The following ABCB5 variants were observed in gnomAD, a reference collection of about 807,000 sequenced individuals.
The protein encoded by ABCB5 is ATP binding cassette subfamily B member 5.
A neutral mutation model predicts 144.2 loss-of-function variants in ABCB5; 155 were observed. The observed-to-expected ratio is 1.08, with a 90% CI of 0.94 to 1.23. The LOEUF (loss-of-function observed/expected upper bound fraction) is 1.23. Among genes scored for constraint, ABCB5 ranks in the 50% most tolerant of loss-of-function variants. The pLI, the probability that ABCB5 is intolerant of heterozygous loss-of-function variation, is 0.00. For synonymous variants in ABCB5, 610 were observed against 528.6 expected (o/e 1.15, Z -2.11); for missense variants, 1,830 against 1,520.8 (o/e 1.20, Z -3.38).
intron 20 of ABCB5, among the ~76,000 whole-genome samples, chr7:20,718,915 T>A (rs921991183): frequency 6.6e-6 from 1 of 152,096 alleles, no homozygotes; most frequent in Non-Finnish European, 1.5e-5. Context: ...TAAGTAGGTG[T>A]AAATGAGAAC....
intron 21 of ABCB5, 48 bp from the exon 22 acceptor site, chr7:20,726,992 T>A: frequency 1.5e-6 from 2 of 1,367,210 alleles, no homozygotes; most frequent in Non-Finnish European, 2.0e-6. Context: ...GGGAAAAGAT[T>A]AACCATTACT....
intron 14 of ABCB5, among the ~76,000 whole-genome samples, chr7:20,661,129 T>C (rs1784989020): frequency 6.6e-6 from 1 of 152,176 alleles, no homozygotes; most frequent in Non-Finnish European, 1.5e-5. Context: ...GGTGACATCG[T>C]ACTTCAACTT....
At chr7:20,669,198 G>A (rs1785365364) in intron 14 of ABCB5, among the ~76,000 whole-genome samples, 1 of 146,462 alleles carries the variant, frequency 6.8e-6, no homozygotes, top group South Asian at 2.3e-4. Context: ...GAGCCCCTCT[G>A]CCCGGCCACG....
chr7:20,745,323 G>C lies in ABCB5; in HGVS notation c.3314G>C (p.Cys1105Ser). ...CCTCAAGAGCCTGTGCTCTTCAACT[G>C]CAGCATTGCTGAGAACATCGCCTAT... ...IVPQEPVLFN[C>S]SIAENIAYGD... Residue 1105 changes from cysteine (C) to serine (S), a missense_variant, in exon 26 of 28, where the codon TGC (cysteine) becomes TCC (serine). Coordinates refer to ENST00000404938, the MANE Select transcript of ABCB5 (RefSeq NM_001163941.2). The C allele has an allele frequency of 6.2e-7, 1 of 1,614,122 alleles. No homozygotes were observed. The highest frequency in any genetic ancestry group is 1.3e-5 in the African/African-American group (1 of 75,052).
chr7:20,647,741 T>G, intron 10 of ABCB5, 93 bp downstream of exon 10: 1 of 1,498,032 alleles, frequency 6.7e-7, no homozygotes, highest in South Asian at 1.3e-5. Flanking sequence ...AACAATAGGA[T>G]GGACAAATTT....
At chr7:20,648,853 T>C (rs1466832626) in intron 11 of ABCB5, among the ~76,000 whole-genome samples, 1 of 152,208 alleles carries the variant, frequency 6.6e-6, no homozygotes, top group Admixed American at 6.5e-5. Flanking sequence ...CAAAGCTCTT[T>C]AGTTTTGAAA....
chr7:20,664,102 T>A (rs1297433544), intron 14 of ABCB5, among the ~76,000 whole-genome samples: 2 of 150,986 alleles, frequency 1.3e-5, no homozygotes, highest in East Asian at 1.9e-4. Context: ...TGAAAAAAAA[T>A]TAATAAATAA....
In ABCB5 at chr7:20,755,444, T is replaced by C; in HGVS notation, c.3594T>C (p.Leu1198=). The C allele has an allele frequency of 2.5e-6, 4 of 1,614,182 alleles. No individual in the cohort carries two copies. Among genetic ancestry groups the C allele is most frequent in the Non-Finnish European group, 3.4e-6 (4 of 1,180,022 alleles). ...TCTTCCAGGTGGTTCAGCATGCCCT[T>C]GATAAAGCCAGGACGGGAAGGACAT... ...NDSEKVVQHA[L]DKARTGRTCL... Residue 1198 remains leucine (L), a synonymous_variant, in exon 28 of 28, where the codon CTT becomes CTC. Coordinates refer to ENST00000404938, the MANE Select transcript of ABCB5 (RefSeq NM_001163941.2).
intron 4 of ABCB5, 79 bp from the exon 5 acceptor site, chr7:20,631,980 G>C: frequency 1.2e-6 from 1 of 825,280 alleles, no homozygotes; most frequent in East Asian, 2.9e-5. Flanking sequence ...CACTATATTT[G>C]GTTTGGAGGG....
chr7:20,709,017 T>C (rs1470568572), intron 20 of ABCB5, among the ~76,000 whole-genome samples: 2 of 152,218 alleles, frequency 1.3e-5, no homozygotes, highest in South Asian at 2.1e-4. Context: ...CTGAGCAGTG[T>C]CAGTAACATA....
chr7:20,724,985 T>C (rs1242826084), intron 21 of ABCB5, among the ~76,000 whole-genome samples: 1 of 152,244 alleles, frequency 6.6e-6, no homozygotes, highest in East Asian at 1.9e-4. Flanking sequence ...AATTTAAACA[T>C]TGCAATAATT....
chr7:20,725,210 A>G (rs1025205166), intron 21 of ABCB5, among the ~76,000 whole-genome samples: 4 of 152,248 alleles, frequency 2.6e-5, no homozygotes, highest in Admixed American at 2.6e-4. Context: ...AATTTAGAAC[A>G]TAGACTAATA....
intron 14 of ABCB5, among the ~76,000 whole-genome samples, chr7:20,662,457 G>T (rs975720213): frequency 1.3e-5 from 2 of 152,110 alleles, no homozygotes; most frequent in African/African-American, 4.8e-5. Context: ...GTCGAAGTTA[G>T]GTCAGAGTAA....
At chr7:20,726,985 A>G (rs1215330710) in intron 21 of ABCB5, 55 bp from the exon 22 acceptor site, 28 of 1,297,316 alleles carry the variant, frequency 2.2e-5, no homozygotes, top group Non-Finnish European at 2.8e-5. Context: ...CACAAATGGG[A>G]AAAGATTAAC....
Position 20,704,818 on chromosome 7 carries a change from T to C in ABCB5, c.2421+11T>C. 1 of 1,598,944 alleles carries C rather than the reference T, an allele frequency of 6.3e-7. No homozygotes were observed. The highest frequency in any genetic ancestry group is 8.6e-7 in the Non-Finnish European group (1 of 1,167,074). ...GCACAAATTCAAGGAGTATGTATAT[T>C]GTTTTTATTGTAAATGATGTATGTA... On this transcript the variant is annotated intron_variant, in intron 20 of 27. Coordinates refer to ENST00000404938, the MANE Select transcript of ABCB5 (RefSeq NM_001163941.2).
intron 16 of ABCB5, among the ~76,000 whole-genome samples, chr7:20,687,509 G>A (rs1306655079): frequency 6.6e-6 from 1 of 152,210 alleles, no homozygotes; most frequent in Non-Finnish European, 1.5e-5. Flanking sequence ...AATAGTCACA[G>A]ACCTGCTCTG....
chr7:20,653,836 T>G (rs1369583731), intron 13 of ABCB5, among the ~76,000 whole-genome samples: 1 of 152,154 alleles, frequency 6.6e-6, no homozygotes, highest in Non-Finnish European at 1.5e-5. Flanking sequence ...AGCGGAACAC[T>G]GGATAGAAGT....
At chr7:20,704,523 C>T (rs1786752242) in intron 19 of ABCB5, among the ~76,000 whole-genome samples, 1 of 152,056 alleles carries the variant, frequency 6.6e-6, no homozygotes, top group South Asian at 2.1e-4. Context: ...AGCTCTTGGG[C>T]TTAAGTTCTT....
chr7:20,720,746 C>G (rs1338557083), intron 20 of ABCB5, among the ~76,000 whole-genome samples: 1 of 151,740 alleles, frequency 6.6e-6, no homozygotes, highest in Non-Finnish European at 1.5e-5. Flanking sequence ...GAGATCGAGA[C>G]CATCCTGGCT....
Sources: allele counts gnomAD v4.1 joint callset (sites outside exome capture counted in the v4.1 genomes callset), GRCh38; gene constraint gnomAD v4.1.1; transcripts MANE v1.5; gene names NCBI Gene and HGNC (gene_info 2026-07-23, HGNC 2026-07-21).